The following NRXN1 variants were observed in gnomAD, a reference collection of about 807,000 sequenced individuals.
NRXN1 encodes the protein neurexin-1.
In NRXN1, 39 loss-of-function variants were observed where a neutral mutation model predicts 150.9. That is an observed-to-expected ratio of 0.26 (90% CI 0.20 to 0.34). The LOEUF (loss-of-function observed/expected upper bound fraction) is 0.34. Among genes scored for constraint, NRXN1 ranks in the 10% least tolerant of loss-of-function variants. NRXN1 has a pLI of 1.00. For missense variants in NRXN1, 1,815 were observed against 1,949.9 expected (o/e 0.93, Z 1.30); for synonymous variants, 924 against 757.0 (o/e 1.22, Z -3.62).
In NRXN1 at chr2:50,059,056, G is replaced by A. The variant is rs373573945; in HGVS notation, c.3719-4012C>T. Among the ~76,000 whole-genome samples the A allele has an allele frequency of 5.3e-5, 8 of 152,280 alleles. No homozygotes were observed. In the East Asian group the frequency reaches 9.6e-4, roughly 18 times the overall value. ...AATGTGGAATTGACTTTGGAACTGG[G>A]TAACAGGCAGAGGATGTAACAGTTT... On this transcript the variant is annotated intron_variant, in intron 19 of 22. Coordinates refer to ENST00000401669, the MANE Select transcript of NRXN1 (RefSeq NM_001330078.2).
chr2:50,224,698 AGAGAGAG>A (rs1559125156), intron 18 of NRXN1, among the ~76,000 whole-genome samples: 32 of 60,606 alleles, frequency 5.3e-4, no homozygotes, highest in African/African-American at 8.0e-4. Flanking sequence ...GGAGAAAGAG[AGAGAGAG>A]AGAGAGAGAG....
At chr2:49,959,012 C>T (rs990716345) in intron 21 of NRXN1, among the ~76,000 whole-genome samples, 1 of 152,184 alleles carries the variant, frequency 6.6e-6, no homozygotes, top group African/African-American at 2.4e-5. Flanking sequence ...TTAAAATACA[C>T]AAGACCTGTT....
chr2:51,018,503 T>C (rs990843238), intron 2 of NRXN1, among the ~76,000 whole-genome samples: 10 of 152,110 alleles, frequency 6.6e-5, no homozygotes, highest in Non-Finnish European at 1.5e-4. Context: ...CATTCATCTT[T>C]CCAACTCTAA....
At chr2:50,832,737 A>C (rs1291027509) in intron 5 of NRXN1, among the ~76,000 whole-genome samples, 4 of 152,218 alleles carry the variant, frequency 2.6e-5, no homozygotes, top group Non-Finnish European at 2.9e-5. Context: ...CATACAAAGT[A>C]CAGGACTCAG....
intron 18 of NRXN1, among the ~76,000 whole-genome samples, chr2:50,150,492 A>G (rs1190830698): frequency 2.0e-5 from 3 of 151,786 alleles, no homozygotes; most frequent in Non-Finnish European, 4.4e-5. Flanking sequence ...TGCTAGTTTC[A>G]GTGTTCTCCT....
chr2:50,420,962 CTGTGTGTGTGTGTGTGTGTG>C (rs4032055), intron 17 of NRXN1, among the ~76,000 whole-genome samples: 1,229 of 120,022 alleles, frequency 0.01, 24 homozygotes, highest in African/African-American at 0.032. Flanking sequence ...CAAAATAGAC[CTGTGTGTGTGTGTGTGTGTG>C]TGTGTGTGTG....
intron 15 of NRXN1, among the ~76,000 whole-genome samples, chr2:50,474,839 C>CCCCCAAAAAAAAAAAAAA (rs1558795095): frequency 9.2e-6 from 1 of 108,850 alleles, no homozygotes; most frequent in Non-Finnish European, 1.8e-5. Flanking sequence ...GCCCCCCTAC[C>CCCCCAAAAAAAAAAAAAA]AAAAAAAAAA....
intron 8 of NRXN1, among the ~76,000 whole-genome samples, chr2:50,614,937 G>A (rs924931963): frequency 3.9e-5 from 6 of 151,994 alleles, no homozygotes; most frequent in African/African-American, 1.4e-4. Context: ...TGTGATGTGG[G>A]CACTTCATAT....
At chr2:50,651,948 G>T (rs1362307864) in intron 5 of NRXN1, among the ~76,000 whole-genome samples, 1 of 152,066 alleles carries the variant, frequency 6.6e-6, no homozygotes, top group African/African-American at 2.4e-5. Flanking sequence ...GCAGGTTATT[G>T]TAGGGTCTTA....
At chr2:50,170,070 C>G (rs975286111) in intron 18 of NRXN1, among the ~76,000 whole-genome samples, 78 of 151,780 alleles carry the variant, frequency 5.1e-4, no homozygotes, top group African/African-American at 1.8e-3. Flanking sequence ...ATGTATTTTA[C>G]TTCTATATAA....
In NRXN1 at chr2:51,027,631, T is replaced by G; in HGVS notation, c.643A>C (p.Ser215Arg). Residue 215 changes from serine to arginine, a missense_variant, in exon 2 of 23, where the codon AGC becomes CGC. By Grantham distance (110) the Ser-to-Arg change is moderately radical. Around this residue, in one of 6 missense-constraint regions of NRXN1, gnomAD observed 554 missense variants for 478.8 expected, o/e 1.16. Transcript: ENST00000401669. The part of the protein sequence containing the change: ...DDEPPNSGGG[S>R]PCEAGEEGEG... ...CCCTCCTCGCCCGCCTCGCACGGGC[T>G]TCCCCCGCCGCTGTTGGGCGGCTCA... 1 of 1,584,758 alleles carries G rather than the reference T, an allele frequency of 6.3e-7. No individual in the cohort carries two copies. The highest frequency in any genetic ancestry group is 8.6e-7 in the Non-Finnish European group (1 of 1,165,646).
At chr2:50,584,082 G>A (rs188982593) in intron 8 of NRXN1, among the ~76,000 whole-genome samples, 13 of 152,220 alleles carry the variant, frequency 8.5e-5, no homozygotes, top group Admixed American at 2.0e-4. Flanking sequence ...GCATTAATAC[G>A]TCCTTGAAAA....
chr2:50,309,041 G>A (rs75072586), intron 17 of NRXN1, among the ~76,000 whole-genome samples: 5 of 152,178 alleles, frequency 3.3e-5, no homozygotes, highest in African/African-American at 1.2e-4. Flanking sequence ...TAACATAAAG[G>A]GATCTCTCAA....
At chr2:50,138,053 G>A (rs1050829733) in intron 18 of NRXN1, among the ~76,000 whole-genome samples, 5 of 152,098 alleles carry the variant, frequency 3.3e-5, no homozygotes, top group African/African-American at 1.2e-4. Flanking sequence ...AATTTATGCA[G>A]CCTTGGAAAT....
chr2:50,653,957 T>C (rs1239492717), intron 5 of NRXN1, among the ~76,000 whole-genome samples: 3 of 147,180 alleles, frequency 2.0e-5, no homozygotes, highest in Middle Eastern at 3.3e-3. Flanking sequence ...CCTACTTTCT[T>C]CTCTTTTGGC....
intron 5 of NRXN1, among the ~76,000 whole-genome samples, chr2:50,809,659 A>G (rs1418342831): frequency 6.6e-6 from 1 of 152,100 alleles, no homozygotes; most frequent in African/African-American, 2.4e-5. Flanking sequence ...AAAGAACCCA[A>G]CTACTTCTGT....
chr2:50,475,737 A>G (rs1231224767), intron 15 of NRXN1, among the ~76,000 whole-genome samples: 1 of 152,080 alleles, frequency 6.6e-6, no homozygotes, highest in East Asian at 1.9e-4. Flanking sequence ...TTGATATAGC[A>G]AATAGTGATC....
At chr2:50,922,967 C>T (rs1001726784) in intron 3 of NRXN1, among the ~76,000 whole-genome samples, 1 of 151,822 alleles carries the variant, frequency 6.6e-6, no homozygotes, top group Non-Finnish European at 1.5e-5. Context: ...ACTTAAAATC[C>T]AACCAAACCC....
chr2:50,745,111 T>C (rs1699854801), intron 5 of NRXN1, among the ~76,000 whole-genome samples: 1 of 152,122 alleles, frequency 6.6e-6, no homozygotes, highest in Non-Finnish European at 1.5e-5. Context: ...GCTATATCAC[T>C]TCCTAGCTAG....
Sources: gnomAD v4.1 joint callset for allele counts (sites outside exome capture counted in the v4.1 genomes callset) on GRCh38, gnomAD v4.1.1 for gene constraint, gnomAD v4.1.1 regional missense constraint, MANE v1.5 for transcripts, NCBI Gene and HGNC (gene_info 2026-07-23, HGNC 2026-07-21) for gene names.